The following PRKN variants were observed in gnomAD, a reference collection of about 807,000 sequenced individuals.
PRKN encodes the protein parkin RBR E3 ubiquitin protein ligase.
In PRKN, 56 loss-of-function variants were observed where a neutral mutation model predicts 59.5. The ratio of observed to expected loss-of-function variants is 0.94; its 90% CI spans 0.76 to 1.18. PRKN has a LOEUF of 1.18. Among genes scored for constraint, PRKN ranks in the 50% most tolerant of loss-of-function variants. The pLI, the probability that PRKN is intolerant of heterozygous loss-of-function variation, is 0.00. For synonymous variants in PRKN, 250 were observed against 222.1 expected, an observed-to-expected ratio of 1.13 and a Z score of -1.12; for missense variants, 657 against 596.4, an observed-to-expected ratio of 1.10 and a Z score of -1.06.
rs545133100 is a variant in PRKN at position 161,447,256 on chromosome 6, C to T, written c.1084-60379G>A. 3.3e-5 allele frequency among the ~76,000 whole-genome samples: 5 copies of T among 152,162 alleles called. No individual in the cohort carries two copies. In the South Asian group the frequency reaches 6.2e-4, roughly 19 times the overall value. Reference sequence around the variant, plus strand: ...GCTTTTCCTGCGTGTCTAAATTCTTCGGTTCTCTCTGACATGCTCAATCTA... The same window carrying T: ...GCTTTTCCTGCGTGTCTAAATTCTTTGGTTCTCTCTGACATGCTCAATCTA... On this transcript the variant is annotated intron_variant, in intron 9 of 11. Transcript: ENST00000366898. This position sits in a 1 kb window ranked among gnomAD's most constrained non-coding sequence, Gnocchi z 4.1.
chr6:161,815,449 A>G (rs1791735616), intron 6 of PRKN, among the ~76,000 whole-genome samples: 1 of 152,226 alleles, frequency 6.6e-6, no homozygotes, highest in African/African-American at 2.4e-5. Flanking sequence ...TGGTTAACGC[A>G]GATCCTAATA....
chr6:162,526,460 G>A (rs1778288858), intron 1 of PRKN, among the ~76,000 whole-genome samples: 1 of 151,772 alleles, frequency 6.6e-6, no homozygotes, highest in Non-Finnish European at 1.5e-5. Flanking sequence ...CTCCAGCCTG[G>A]CCAACATAGT....
chr6:162,624,873 T>C (rs1247217206), intron 1 of PRKN, among the ~76,000 whole-genome samples: 9 of 152,160 alleles, frequency 5.9e-5, no homozygotes, highest in African/African-American at 1.2e-4. Context: ...CAAGAGGACA[T>C]CTGTGTAACT....
At chr6:161,415,951 G>C (rs1787829868) in intron 9 of PRKN, among the ~76,000 whole-genome samples, 1 of 151,926 alleles carries the variant, frequency 6.6e-6, no homozygotes. Flanking sequence ...TCCTGCAGGT[G>C]CCCACCCAGC....
intron 3 of PRKN, among the ~76,000 whole-genome samples, chr6:162,216,400 G>T (rs1335639152): frequency 1.3e-5 from 2 of 151,098 alleles, no homozygotes; most frequent in African/African-American, 4.9e-5. Context: ...CGCGGTGGCG[G>T]GCGCCTGTAG....
intron 1 of PRKN, among the ~76,000 whole-genome samples, chr6:162,705,254 C>G (rs1352160131): frequency 6.6e-6 from 1 of 152,076 alleles, no homozygotes; most frequent in East Asian, 1.9e-4. Flanking sequence ...AAAGTGATAC[C>G]CTTGAAAATC....
chr6:162,314,937 A>C (rs1387593285), intron 2 of PRKN, among the ~76,000 whole-genome samples: 2 of 152,134 alleles, frequency 1.3e-5, no homozygotes, highest in African/African-American at 2.4e-5. Context: ...TATTTATATA[A>C]TTGGTTTTTC....
At chr6:161,403,015 C>T (rs1226363742) in intron 9 of PRKN, among the ~76,000 whole-genome samples, 1 of 152,118 alleles carries the variant, frequency 6.6e-6, no homozygotes, top group Non-Finnish European at 1.5e-5. Context: ...ATTTGCTGTT[C>T]CCCAAGTGTC....
intron 7 of PRKN, among the ~76,000 whole-genome samples, chr6:161,666,674 T>A (rs910879748): frequency 6.6e-6 from 1 of 152,228 alleles, no homozygotes; most frequent in Non-Finnish European, 1.5e-5. Flanking sequence ...TGGTTGCTTT[T>A]TAAAACATAT....
chr6:161,852,772 A>G (rs1286962365), intron 6 of PRKN, among the ~76,000 whole-genome samples: 1 of 152,216 alleles, frequency 6.6e-6, no homozygotes, highest in African/African-American at 2.4e-5. Context: ...AAAAGGAAAA[A>G]TCATGAAAAA....
intron 9 of PRKN, among the ~76,000 whole-genome samples, chr6:161,421,639 G>A (rs569218313): frequency 5.7e-4 from 87 of 152,236 alleles, no homozygotes; most frequent in African/African-American, 1.9e-3. Context: ...CCCTTGAACT[G>A]TTTCCAACCC....
At chr6:162,390,396 TACACAC>T (rs1554312764) in intron 2 of PRKN, among the ~76,000 whole-genome samples, 217 of 84,110 alleles carry the variant, frequency 2.6e-3, no homozygotes, top group Non-Finnish European at 3.8e-3. Context: ...TATATATATA[TACACAC>T]ACACACACAC....
chr6:162,062,587 C>T (rs991730710), intron 4 of PRKN, among the ~76,000 whole-genome samples: 5 of 152,062 alleles, frequency 3.3e-5, no homozygotes, highest in African/African-American at 7.2e-5. Flanking sequence ...TAAAAGCAGA[C>T]GAAAGGCCAT....
intron 7 of PRKN, among the ~76,000 whole-genome samples, chr6:161,780,250 C>T (rs1322529547): frequency 6.6e-6 from 1 of 152,052 alleles, no homozygotes; most frequent in Admixed American, 6.6e-5. Flanking sequence ...TTCTGAGGTG[C>T]CGTATATAAA....
chr6:162,273,763 T>C (rs1412868602), intron 2 of PRKN, among the ~76,000 whole-genome samples: 3 of 152,184 alleles, frequency 2.0e-5, no homozygotes, highest in Non-Finnish European at 2.9e-5. Flanking sequence ...AGTTGCAGAA[T>C]AATGAGACCC....
intron 7 of PRKN, among the ~76,000 whole-genome samples, chr6:161,702,692 G>A (rs2128179447): frequency 6.6e-6 from 1 of 152,176 alleles, no homozygotes. Context: ...GGTTAAAATG[G>A]TAATTTTAGG....
intron 1 of PRKN, among the ~76,000 whole-genome samples, chr6:162,477,605 G>C (rs909478420): frequency 6.6e-6 from 1 of 152,146 alleles, no homozygotes; most frequent in Non-Finnish European, 1.5e-5. Flanking sequence ...GGTGTTCACA[G>C]TCCTTTACGA....
chr6:161,486,731 G>C (rs1309585389), intron 9 of PRKN, among the ~76,000 whole-genome samples: 3 of 152,172 alleles, frequency 2.0e-5, no homozygotes, highest in African/African-American at 7.2e-5. Context: ...TTTCATAAAT[G>C]CTGCTCATTA....
Position 161,576,506 on chromosome 6 carries a change from CAGA to C in PRKN, c.872-7093_872-7091del, listed in dbSNP as rs1486297545. Reference sequence around the variant, plus strand: ...ACGACACATCTAAAATGACCATCAACAGAAGAAGAGATAAAATCATTCAACAAA... The same window carrying C: ...ACGACACATCTAAAATGACCATCAACAGAAGAGATAAAATCATTCAACAAA... On this transcript the variant is annotated intron_variant, in intron 7 of 11. Transcript: ENST00000366898. This position sits in a 1 kb window ranked among gnomAD's most constrained non-coding sequence, Gnocchi z 4.6. Among the ~76,000 whole-genome samples, 1 of 152,152 alleles carries C rather than the reference CAGA, an allele frequency of 6.6e-6. No individual in the cohort carries two copies. Among genetic ancestry groups the C allele is most frequent in the Non-Finnish European group, 1.5e-5 (1 of 68,042 alleles).
Sources: allele counts gnomAD v4.1 joint callset (sites outside exome capture counted in the v4.1 genomes callset), GRCh38; gene constraint gnomAD v4.1.1; non-coding constraint Gnocchi (gnomAD v3.1); transcripts MANE v1.5; gene names NCBI Gene and HGNC (gene_info 2026-07-23, HGNC 2026-07-21).